Variants in WDR35 observed in about 807,000 individuals in gnomAD.
WDR35 encodes WD repeat-containing protein 35.
In WDR35, 118 loss-of-function variants were observed where a neutral mutation model predicts 158.3. The observed-to-expected ratio is 0.75, with a 90% CI of 0.64 to 0.87. WDR35 has a LOEUF of 0.87. Ranked by LOEUF, WDR35 falls within the 40% of genes least tolerant of loss-of-function variation. The pLI, the probability that WDR35 is intolerant of heterozygous loss-of-function variation, is 0.00. For missense variants in WDR35, 1,263 were observed against 1,405.8 expected (o/e 0.90, Z 1.62); for synonymous variants, 448 against 476.1 (o/e 0.94, Z 0.77).
At chr2:19,937,993 T>C (rs1670756336) in intron 18 of WDR35, 47 bp from the exon 19 acceptor site, 1 of 1,597,800 alleles carries the variant, frequency 6.3e-7, no homozygotes, top group Non-Finnish European at 8.6e-7. Flanking sequence ...TGCAAATTAC[T>C]GACAAACTAG....
intron 16 of WDR35, among the ~76,000 whole-genome samples, chr2:19,943,036 T>A (rs1558335843): frequency 6.6e-6 from 1 of 152,116 alleles, no homozygotes; most frequent in East Asian, 1.9e-4. Flanking sequence ...TTTTAGCATA[T>A]TGTGATATAC....
At chr2:19,944,986 C>T (rs1274719437) in intron 16 of WDR35, among the ~76,000 whole-genome samples, 1 of 152,036 alleles carries the variant, frequency 6.6e-6, no homozygotes, top group Admixed American at 6.6e-5. Context: ...GAGTAGAGTG[C>T]AGCAGAAGTA....
At chr2:19,964,296 G>A (rs996669936) in intron 10 of WDR35, among the ~76,000 whole-genome samples, 96 of 150,628 alleles carry the variant, frequency 6.4e-4, no homozygotes, top group African/African-American at 2.3e-3. Flanking sequence ...AAATTTTCTT[G>A]AATTTTTTTT....
At chr2:19,925,385 A>G (rs1670326923) in intron 25 of WDR35, among the ~76,000 whole-genome samples, 1 of 152,216 alleles carries the variant, frequency 6.6e-6, no homozygotes, top group Non-Finnish European at 1.5e-5. Flanking sequence ...CCAACACAAT[A>G]TATTTGGAAG....
At position 19,913,086 on chromosome 2, in the gene WDR35, A is replaced by C. The variant is rs1484624072; in HGVS notation, c.*472T>G. On this transcript the variant is annotated 3_prime_UTR_variant, in exon 27 of 27. Transcript: ENST00000281405. ...GAAGACATTCGACACTTATTTAATT[A>C]AATATGGCTATAGAGAAAGCTCATT... 2.6e-5 allele frequency: 4 copies of C among 153,718 alleles called. No homozygotes were observed. Among genetic ancestry groups the C allele is most frequent in the African/African-American group, 9.6e-5 (4 of 41,472 alleles). The allele number at this position is 153,718 out of a possible 1,614,324, so 9.5% of individuals were successfully genotyped here.
rs1670521022 is a variant in WDR35 at position 19,931,349 on chromosome 2, G to A, written c.2884C>T (p.Leu962=). ...KPLRVKKLYV[L]SALLIEQYHE... is the part of the protein sequence containing the mutation. ...TATTGCTCTATAAGTAAGGCTGACA[G>A]TACATAGAGCTTCTTGACACGTAAA... The change falls in exon 24 of 27, where the codon CTG becomes TTG. Residue 962 remains leucine (L), a synonymous_variant. Transcript: ENST00000281405. 1 of 1,613,292 alleles carries A rather than the reference G, an allele frequency of 6.2e-7. No homozygotes were observed. Among genetic ancestry groups the A allele is most frequent in the Non-Finnish European group, 8.5e-7 (1 of 1,179,692 alleles).
At chr2:19,950,428 G>A (rs2103422036) in intron 13 of WDR35, among the ~76,000 whole-genome samples, 1 of 152,294 alleles carries the variant, frequency 6.6e-6, no homozygotes, top group South Asian at 2.1e-4. Flanking sequence ...AGTCTTTCAA[G>A]AAACTCAGCT....
chr2:19,973,136 G>A (rs1417015968), intron 8 of WDR35, among the ~76,000 whole-genome samples: 1 of 152,054 alleles, frequency 6.6e-6, no homozygotes, highest in Non-Finnish European at 1.5e-5. Flanking sequence ...AGTATTAGAA[G>A]TTTGAAGGAA....
At chr2:19,918,383 C>A (rs1005611063) in intron 25 of WDR35, among the ~76,000 whole-genome samples, 2 of 152,314 alleles carry the variant, frequency 1.3e-5, no homozygotes, top group South Asian at 4.1e-4. Context: ...ATCAAATTCA[C>A]ACATAACAAT....
chr2:19,948,160 T>G lies in WDR35; in HGVS notation c.1524+4A>C. ...TTCATAAAATAAGTTTTTGCAAAACTTACCACAATCAATATCTTATCTGAT... is the reference window on the plus strand; with the variant it reads ...TTCATAAAATAAGTTTTTGCAAAACGTACCACAATCAATATCTTATCTGAT... On this transcript the variant is annotated splice_donor_region_variant and intron_variant, in intron 14 of 26. Transcript: ENST00000281405. The G allele has an allele frequency of 6.2e-7, 1 of 1,606,092 alleles. No homozygotes were observed. The highest frequency in any genetic ancestry group is 8.5e-7 in the Non-Finnish European group (1 of 1,176,888).
At chr2:19,979,800 C>T (rs1439967982) in intron 4 of WDR35, among the ~76,000 whole-genome samples, 7 of 151,802 alleles carry the variant, frequency 4.6e-5, no homozygotes, top group African/African-American at 1.5e-4. Flanking sequence ...CACACACACA[C>T]ACACACTTTT....
At chr2:19,941,865 T>C (rs1180146243) in intron 16 of WDR35, 26 bp from the exon 17 acceptor site, 10 of 1,482,554 alleles carry the variant, frequency 6.7e-6, no homozygotes, top group Non-Finnish European at 9.3e-6. Flanking sequence ...AAAAGTTATG[T>C]TTCATTATGC....
At chr2:19,970,729 G>C (rs1672011855) in intron 8 of WDR35, among the ~76,000 whole-genome samples, 2 of 152,148 alleles carry the variant, frequency 1.3e-5, no homozygotes, top group African/African-American at 2.4e-5. Flanking sequence ...TGCCTCCACA[G>C]CTTTGGCCTA....
intron 22 of WDR35, among the ~76,000 whole-genome samples, chr2:19,933,054 T>A (rs2103399225): frequency 6.6e-6 from 1 of 152,276 alleles, no homozygotes; most frequent in South Asian, 2.1e-4. Flanking sequence ...CATTAACTGG[T>A]CCTTCTTTGG....
At chr2:19,936,404 G>T in intron 19 of WDR35, 39 bp from the exon 20 acceptor site, 1 of 1,613,292 alleles carries the variant, frequency 6.2e-7, no homozygotes, top group South Asian at 1.1e-5. Context: ...TCATCTATTT[G>T]ACAAATATTT....
At chr2:19,929,215 G>A (rs906759629) in intron 25 of WDR35, among the ~76,000 whole-genome samples, 49 of 151,810 alleles carry the variant, frequency 3.2e-4, no homozygotes, top group African/African-American at 9.2e-4. Context: ...TATGAAAGAC[G>A]ATTATTACAT....
Position 19,930,503 on chromosome 2 carries a change from G to A in WDR35, c.3014C>T (p.Thr1005Ile). The change falls in exon 25 of 27, where the codon ACA becomes ATA. Residue 1005 changes from threonine (T) to isoleucine (I), a missense_variant. Coordinates refer to ENST00000281405, the MANE Select transcript of WDR35 (RefSeq NM_020779.4). ...GLLEEEVLST[T>I]DRFTDNAWRG... ...CCATGCATTATCTGTGAAACGATCT[G>A]TTGTAGACAGAACTTCTTCTTCCAG... 1 of 1,614,164 alleles carries A rather than the reference G, an allele frequency of 6.2e-7. No individual in the cohort carries two copies. The highest frequency in any genetic ancestry group is 8.5e-7 in the Non-Finnish European group (1 of 1,180,040).
chr2:19,911,023 T>C lies in WDR35; in HGVS notation c.*2535A>G, dbSNP rs1410887554. 1 of 152,106 alleles carries C rather than the reference T, an allele frequency of 6.6e-6. No individual in the cohort carries two copies. The highest frequency in any genetic ancestry group is 1.5e-5 in the Non-Finnish European group (1 of 68,016). 9.4% of individuals were successfully genotyped at this position (152,106 alleles called of 1,614,324 possible). On this transcript the variant is annotated 3_prime_UTR_variant, in exon 27 of 27. Transcript: ENST00000281405. ...ATACTGGTTTCTGGATCCAACTGAATGAGAAATATCAACTAGATATTGTTT... is the reference window on the plus strand; with the variant it reads ...ATACTGGTTTCTGGATCCAACTGAACGAGAAATATCAACTAGATATTGTTT...
intron 14 of WDR35, among the ~76,000 whole-genome samples, chr2:19,947,307 T>C (rs187097719): frequency 5.4e-4 from 83 of 152,300 alleles, no homozygotes; most frequent in African/African-American, 1.9e-3. Context: ...TTTTGCAGCA[T>C]GAGTCTCATG....
Sources: gnomAD v4.1 joint callset for allele counts (sites outside exome capture counted in the v4.1 genomes callset) on GRCh38, gnomAD v4.1.1 for gene constraint, MANE v1.5 for transcripts, NCBI Gene and HGNC (gene_info 2026-07-23, HGNC 2026-07-21) for gene names.